The following CD36 variants were observed in gnomAD, a reference collection of about 807,000 sequenced individuals.
CD36 encodes the protein CD36 molecule (CD36 blood group), also known as platelet glycoprotein 4.
CD36 carries 119 observed loss-of-function variants against 55.2 expected under a neutral mutation model. The observed-to-expected ratio is 2.15, with a 90% CI of 1.86 to 2.51. The LOEUF is 2.51. Among genes scored for constraint, CD36 ranks in the 30% most tolerant of loss-of-function variants. The probability of loss-of-function intolerance (pLI) is 0.00; values close to 1 mark genes in which losing one functional copy is unlikely to be tolerated. For synonymous variants in CD36, 186 were observed against 193.6 expected, an observed-to-expected ratio of 0.96 and a Z score of 0.33; for missense variants, 819 against 555.5, an observed-to-expected ratio of 1.47 and a Z score of -4.77.
At chr7:80,650,102 T>C (rs1795483609) in intron 3 of CD36, among the ~76,000 whole-genome samples, 1 of 152,040 alleles carries the variant, frequency 6.6e-6, no homozygotes, top group African/African-American at 2.4e-5. Flanking sequence ...AAAGAGAAGA[T>C]TCAGACTTCC....
At position 80,672,845 on chromosome 7, in the gene CD36, T is replaced by C. The variant is rs776502590; in HGVS notation, c.1199+2T>C. ...GGTCAAGCCATCAGAAAAAATTCAG[T>C]GAGTCTCTTGAAAATGGTTATTTTG... On this transcript the variant is annotated splice_donor_variant, in intron 12 of 14. Transcript: ENST00000447544. LOFTEE classifies it high-confidence loss of function. 4 of 1,600,976 alleles carry C rather than the reference T, an allele frequency of 2.5e-6. No individual in the cohort carries two copies. The highest frequency in any genetic ancestry group is 1.7e-6 in the Non-Finnish European group (2 of 1,169,500).
At chr7:80,624,698 C>A (rs1397993615) in intron 1 of CD36, among the ~76,000 whole-genome samples, 2 of 151,872 alleles carry the variant, frequency 1.3e-5, no homozygotes, top group African/African-American at 4.8e-5. Context: ...ACAGCAAAAC[C>A]CTGTCTCCTG....
chr7:80,661,193 C>G lies in CD36; in HGVS notation c.412C>G (p.Leu138Val), dbSNP rs563097847. The G allele has an allele frequency of 6.2e-7, 1 of 1,613,836 alleles. No homozygotes were observed. The highest frequency in any genetic ancestry group is 1.7e-5 in the Admixed American group (1 of 60,008). ...AACAGAGGCTGACAACTTCACAGTT[C>G]TCAATCTGGCTGTGGCAGTGAGTAG... ...VGTEADNFTV[L>V]NLAVAAASHI... The change falls in exon 5 of 15, where the codon CTC becomes GTC. Residue 138 changes from leucine to valine, a missense_variant. Physicochemically the swap from Leu to Val is conservative, Grantham distance 32. Coordinates refer to ENST00000447544, the MANE Select transcript of CD36 (RefSeq NM_001001548.3).
upstream of CD36, among the ~76,000 whole-genome samples, chr7:80,635,521 C>G (rs1039819626): frequency 5.9e-5 from 9 of 152,054 alleles, no homozygotes; most frequent in Non-Finnish European, 1.3e-4. Flanking sequence ...GTGATCCGCC[C>G]ACCTCAGCCT....
chr7:80,675,773 G>A (rs1183620489), intron 14 of CD36, among the ~76,000 whole-genome samples: 13 of 152,154 alleles, frequency 8.5e-5, no homozygotes, highest in Admixed American at 2.6e-4. Flanking sequence ...TATGTAAGAA[G>A]TAGCAAAGTG....
At chr7:80,655,042 G>A (rs1165464630) in intron 3 of CD36, among the ~76,000 whole-genome samples, 1 of 152,140 alleles carries the variant, frequency 6.6e-6, no homozygotes, top group Non-Finnish European at 1.5e-5. Flanking sequence ...TGGAAAATGT[G>A]ATCATGTTCA....
At chr7:80,649,246 A>T (rs964753872) in intron 3 of CD36, among the ~76,000 whole-genome samples, 2 of 152,046 alleles carry the variant, frequency 1.3e-5, no homozygotes, top group African/African-American at 4.8e-5. Flanking sequence ...CCAATAGGGA[A>T]AGAAGTCATT....
At chr7:80,656,725 G>C in intron 4 of CD36, 25 bp downstream of exon 4, 1 of 1,601,702 alleles carries the variant, frequency 6.2e-7, no homozygotes, top group Non-Finnish European at 8.6e-7. Context: ...ACAAATATGA[G>C]ACACTCTTAC....
intron 1 of CD36, among the ~76,000 whole-genome samples, chr7:80,605,890 T>C (rs1313446655): frequency 6.6e-6 from 1 of 152,150 alleles, no homozygotes; most frequent in Admixed American, 6.5e-5. Context: ...TGAGCTGTGA[T>C]AAGCTTAATA....
chr7:80,633,466 G>A (rs985212733), intron 1 of CD36: 1 of 151,832 alleles, frequency 6.6e-6, no homozygotes, highest in Non-Finnish European at 1.5e-5. Flanking sequence ...TCTGATATTC[G>A]GAATTTCACC....
At chr7:80,619,296 T>G (rs1793327900) in intron 1 of CD36, among the ~76,000 whole-genome samples, 1 of 152,164 alleles carries the variant, frequency 6.6e-6, no homozygotes, top group African/African-American at 2.4e-5. Flanking sequence ...ATCTGAGAGC[T>G]TTGATGGGTA....
chr7:80,640,021 C>T (rs570712966), intron 1 of CD36: 2 of 152,004 alleles, frequency 1.3e-5, no homozygotes, highest in Middle Eastern at 3.4e-3. Context: ...ACCTTGTTTA[C>T]TTTAACACAT....
intron 1 of CD36, among the ~76,000 whole-genome samples, chr7:80,628,417 A>G (rs4410854): frequency 2.6e-5 from 4 of 151,900 alleles, no homozygotes; most frequent in African/African-American, 7.3e-5. Context: ...TTCTAAAGCT[A>G]TATAAATGAG....
chr7:80,660,020 C>T (rs1023936785), intron 4 of CD36, among the ~76,000 whole-genome samples: 1 of 151,936 alleles, frequency 6.6e-6, no homozygotes, highest in Non-Finnish European at 1.5e-5. Context: ...AAACCCCTAC[C>T]CTGTAGGAAT....
intron 5 of CD36, 62 bp from the exon 6 acceptor site, chr7:80,662,928 C>T (rs1584425126): frequency 1.6e-6 from 2 of 1,288,464 alleles, no homozygotes; most frequent in African/African-American, 2.9e-5. Flanking sequence ...AGCATTTAAT[C>T]CATTTATTTG....
chr7:80,613,704 G>T (rs1302870416), intron 1 of CD36, among the ~76,000 whole-genome samples: 2 of 152,054 alleles, frequency 1.3e-5, no homozygotes, highest in East Asian at 3.8e-4. Context: ...AAGAGATGGG[G>T]TTTATTTAAG....
At chr7:80,659,801 A>G (rs1213012795) in intron 4 of CD36, among the ~76,000 whole-genome samples, 2 of 152,162 alleles carry the variant, frequency 1.3e-5, no homozygotes, top group Admixed American at 6.5e-5. Context: ...TTAAAATACA[A>G]TTGTCCTGAG....
At chr7:80,658,776 G>A (rs1473200441) in intron 4 of CD36, among the ~76,000 whole-genome samples, 1 of 152,154 alleles carries the variant, frequency 6.6e-6, no homozygotes, top group Non-Finnish European at 1.5e-5. Flanking sequence ...GATTACAGGT[G>A]TGACCCACCA....
intron 13 of CD36, 36 bp downstream of exon 13, chr7:80,673,445 C>T: frequency 8.2e-7 from 1 of 1,215,548 alleles, no homozygotes. Context: ...TAAAAACAAC[C>T]TTCTTTGTAT....
Sources: gnomAD v4.1 joint callset for allele counts (sites outside exome capture counted in the v4.1 genomes callset) on GRCh38, gnomAD v4.1.1 for gene constraint, MANE v1.5 for transcripts, NCBI Gene and HGNC (gene_info 2026-07-23, HGNC 2026-07-21) for gene names.